Variants in CA10 observed in about 807,000 individuals in gnomAD.
CA10 encodes carbonic anhydrase 10 (inactive).
In CA10, 14 loss-of-function variants were observed where a neutral mutation model predicts 44.2. The ratio of observed to expected loss-of-function variants is 0.32; its 90% CI spans 0.21 to 0.50. The LOEUF is 0.50. CA10 is among the 20% of genes least tolerant of loss of function. The pLI, the probability that CA10 is intolerant of heterozygous loss-of-function variation, is 0.99. For synonymous variants in CA10, 159 were observed against 141.6 expected (o/e 1.12, Z -0.87); for missense variants, 350 against 409.7 (o/e 0.85, Z 1.26).
chr17:52,141,066 T>C (rs1326704470), intron 1 of CA10, among the ~76,000 whole-genome samples: 1 of 152,154 alleles, frequency 6.6e-6, no homozygotes, highest in Non-Finnish European at 1.5e-5. Flanking sequence ...AGAAGGGTTA[T>C]GTTTTCAAAG....
intron 8 of CA10, among the ~76,000 whole-genome samples, chr17:51,632,120 T>C (rs1912607306): frequency 6.6e-6 from 1 of 152,240 alleles, no homozygotes; most frequent in African/African-American, 2.4e-5. Flanking sequence ...ATATTATCAA[T>C]GGCTGATTTC....
intron 2 of CA10, among the ~76,000 whole-genome samples, chr17:52,043,355 A>T (rs1215126686): frequency 6.6e-6 from 1 of 151,708 alleles, no homozygotes; most frequent in Non-Finnish European, 1.5e-5. Flanking sequence ...TTGTTTTCTT[A>T]ATCTCTTTTT....
intron 2 of CA10, among the ~76,000 whole-genome samples, chr17:52,016,681 G>A (rs1045839421): frequency 6.6e-6 from 1 of 152,094 alleles, no homozygotes; most frequent in Non-Finnish European, 1.5e-5. Flanking sequence ...GAGAGGCTGA[G>A]GTGGATAGAT....
At chr17:51,896,930 T>G (rs868398375) in intron 3 of CA10, among the ~76,000 whole-genome samples, 2 of 151,992 alleles carry the variant, frequency 1.3e-5, no homozygotes, top group African/African-American at 4.8e-5. Flanking sequence ...TTAAATTTTT[T>G]TTTTAATTTG....
At chr17:51,634,698 C>A (rs765309432) in intron 7 of CA10, among the ~76,000 whole-genome samples, 1 of 152,184 alleles carries the variant, frequency 6.6e-6, no homozygotes, top group Non-Finnish European at 1.5e-5. Flanking sequence ...AAAAACACTG[C>A]ACATTCAAAT....
At chr17:52,102,559 A>T (rs1019857922) in intron 1 of CA10, among the ~76,000 whole-genome samples, 1 of 152,186 alleles carries the variant, frequency 6.6e-6, no homozygotes, top group African/African-American at 2.4e-5. Context: ...TCTAACACAG[A>T]GTTATGTAAC....
At chr17:51,764,664 T>C (rs1905304969) in intron 3 of CA10, among the ~76,000 whole-genome samples, 1 of 152,176 alleles carries the variant, frequency 6.6e-6, no homozygotes, top group Non-Finnish European at 1.5e-5. Flanking sequence ...CCTAGGAGGC[T>C]ACATGACTCC....
rs58344941 is a variant in CA10 at position 51,797,850 on chromosome 17, C to CAAAAAAA, written c.280-50039_280-50033dup. Among the ~76,000 whole-genome samples, 46 of 73,732 alleles carry CAAAAAAA rather than the reference C, an allele frequency of 6.2e-4. 1 individual carries two copies. Among genetic ancestry groups the CAAAAAAA allele is most frequent in the East Asian group, 1.4e-3 (3 of 2,168 alleles). 48.4% of individuals were successfully genotyped at this position (73,732 alleles called of 152,430 possible). The stretch of plus-strand genomic sequence containing the variant: ...TGGGTGACAGAGCAAGGCTCCATCT[C>CAAAAAAA]AAAAAAAAAAAAAAAAAAAAAAAAA... On this transcript the variant is annotated intron_variant, in intron 3 of 8. Coordinates refer to ENST00000451037, the MANE Select transcript of CA10 (RefSeq NM_020178.5).
intron 3 of CA10, among the ~76,000 whole-genome samples, chr17:51,919,886 C>T (rs203071): frequency 0.68 from 102,744 of 151,622 alleles, 35,111 homozygotes; most frequent in Non-Finnish European, 0.71. Context: ...ACTCCTGACC[C>T]CATGATCTGC....
chr17:51,668,660 T>G (rs1373254300), intron 4 of CA10, among the ~76,000 whole-genome samples: 1 of 152,184 alleles, frequency 6.6e-6, no homozygotes, highest in Non-Finnish European at 1.5e-5. Flanking sequence ...GGCCTCTGCA[T>G]CCACTCTGGC....
chr17:52,121,174 A>G (rs184567510), intron 1 of CA10, among the ~76,000 whole-genome samples: 11 of 152,314 alleles, frequency 7.2e-5, no homozygotes, highest in Admixed American at 5.2e-4. Flanking sequence ...AGATAGCCTC[A>G]AAAGGCTGAA....
intron 2 of CA10, among the ~76,000 whole-genome samples, chr17:51,999,870 G>T (rs551074675): frequency 6.6e-6 from 1 of 151,916 alleles, no homozygotes; most frequent in Admixed American, 6.6e-5. Context: ...CCACAATTGC[G>T]TAACATCCAA....
intron 3 of CA10, among the ~76,000 whole-genome samples, chr17:51,760,114 G>T (rs1013246140): frequency 6.6e-6 from 1 of 152,188 alleles, no homozygotes; most frequent in Non-Finnish European, 1.5e-5. Flanking sequence ...CTTTTAAGGG[G>T]TGCCTGTGGA....
At chr17:51,800,346 A>G (rs941087717) in intron 3 of CA10, among the ~76,000 whole-genome samples, 1 of 152,200 alleles carries the variant, frequency 6.6e-6, no homozygotes, top group Non-Finnish European at 1.5e-5. Context: ...TGGGTGGGTC[A>G]GAGGGAAATG....
In CA10 at chr17:51,872,895, CA is replaced by C. The variant is rs559106829; in HGVS notation, c.279+58094del. On this transcript the variant is annotated intron_variant, in intron 3 of 8. Transcript: ENST00000451037. ...CCTCAAACCTTCCACACCAGTTAGC[CA>C]AAAGCACCTAAGTGGCTTTCAGAGG... Among the ~76,000 whole-genome samples, 1,061 of 152,270 alleles carry C rather than the reference CA, an allele frequency of 7.0e-3. 15 individuals carry two copies. The highest frequency in any genetic ancestry group is 0.024 in the African/African-American group (986 of 41,554).
intron 2 of CA10, among the ~76,000 whole-genome samples, chr17:52,039,868 GGTC>G (rs1365213139): frequency 3.6e-4 from 55 of 152,048 alleles, no homozygotes; most frequent in African/African-American, 1.3e-3. Flanking sequence ...ACCTCATAAT[GGTC>G]GTCAATTATT....
chr17:51,996,733 G>A (rs557005763), intron 2 of CA10, among the ~76,000 whole-genome samples: 2 of 151,878 alleles, frequency 1.3e-5, no homozygotes, highest in African/African-American at 2.4e-5. Flanking sequence ...CAGAAATCAT[G>A]CCCACTTGGC....
At chr17:51,856,251 T>C (rs1188228875) in intron 3 of CA10, among the ~76,000 whole-genome samples, 2 of 152,128 alleles carry the variant, frequency 1.3e-5, no homozygotes, top group Non-Finnish European at 2.9e-5. Flanking sequence ...TCCCATGCAA[T>C]AGCAGTGGCA....
intron 3 of CA10, among the ~76,000 whole-genome samples, chr17:51,930,002 T>A (rs1982588140): frequency 6.6e-6 from 1 of 152,156 alleles, no homozygotes; most frequent in South Asian, 2.1e-4. Flanking sequence ...ATTAGGGGTG[T>A]GTGTATCTGT....
Sources: gnomAD v4.1 joint callset for allele counts (sites outside exome capture counted in the v4.1 genomes callset) on GRCh38, gnomAD v4.1.1 for gene constraint, MANE v1.5 for transcripts, NCBI Gene and HGNC (gene_info 2026-07-23, HGNC 2026-07-21) for gene names.